Variants in TTC29 observed in about 807,000 individuals in gnomAD.
TTC29 encodes the protein tetratricopeptide repeat domain 29.
A neutral mutation model predicts 58.1 loss-of-function variants in TTC29; 49 were observed. The observed-to-expected ratio is 0.84, with a 90% CI of 0.67 to 1.07. The LOEUF (loss-of-function observed/expected upper bound fraction) is 1.07, where lower values mean the gene tolerates loss of function less well. TTC29 is among the 50% of genes least tolerant of loss of function. The probability of loss-of-function intolerance (pLI) is 0.00; values close to 1 mark genes in which losing one functional copy is unlikely to be tolerated. For synonymous variants in TTC29, 209 were observed against 196.8 expected (o/e 1.06, Z -0.52); for missense variants, 582 against 555.6 (o/e 1.05, Z -0.48).
chr4:146,826,174 C>T (rs1189866462), intron 9 of TTC29, among the ~76,000 whole-genome samples: 2 of 152,116 alleles, frequency 1.3e-5, no homozygotes, highest in African/African-American at 2.4e-5. Flanking sequence ...GGTTATTTTG[C>T]ACACTAGTTA....
At chr4:146,835,456 T>C (rs1355641491) in intron 8 of TTC29, among the ~76,000 whole-genome samples, 1 of 152,192 alleles carries the variant, frequency 6.6e-6, no homozygotes, top group Non-Finnish European at 1.5e-5. Context: ...CTTTTTAAGG[T>C]CCATATAATT....
At chr4:146,857,403 G>A (rs185161341) in intron 8 of TTC29, among the ~76,000 whole-genome samples, 3 of 152,006 alleles carry the variant, frequency 2.0e-5, no homozygotes, top group Non-Finnish European at 2.9e-5. Flanking sequence ...ACTGCCTGAG[G>A]TGGGCCACAG....
intron 4 of TTC29, among the ~76,000 whole-genome samples, chr4:146,930,010 C>T (rs1328812234): frequency 6.9e-6 from 1 of 145,662 alleles, no homozygotes; most frequent in Non-Finnish European, 1.5e-5. Context: ...TATATACACA[C>T]AAACATGCAC....
At chr4:146,812,931 G>C (rs1391331605) in intron 10 of TTC29, 1 of 152,024 alleles carries the variant, frequency 6.6e-6, no homozygotes, top group African/African-American at 2.4e-5. Flanking sequence ...ATTAGTCTTG[G>C]TAATCTCAAA....
chr4:146,880,668 C>CT lies in TTC29; in HGVS notation c.587-5741dup, dbSNP rs552928856. 4.5e-4 allele frequency among the ~76,000 whole-genome samples: 68 copies of CT among 151,990 alleles called. 2 individuals carry two copies. In the South Asian group the frequency reaches 0.012, roughly 28 times the overall value. On this transcript the variant is annotated intron_variant, in intron 6 of 12. Coordinates refer to ENST00000325106, the MANE Select transcript of TTC29 (RefSeq NM_031956.4). ...ATGTATATGATCTCTCCCATTTTAG[C>CT]TTTTTTTTAAAGTAGGAAGATTGAC...
At chr4:146,818,638 T>C (rs1751597850) in intron 10 of TTC29, among the ~76,000 whole-genome samples, 1 of 152,206 alleles carries the variant, frequency 6.6e-6, no homozygotes, top group African/African-American at 2.4e-5. Context: ...TGCACTCGTA[T>C]GTTTATTGCA....
chr4:146,878,440 C>A (rs1731417349), intron 6 of TTC29, among the ~76,000 whole-genome samples: 1 of 152,072 alleles, frequency 6.6e-6, no homozygotes, highest in Non-Finnish European at 1.5e-5. Flanking sequence ...AATGAACATT[C>A]CAAAAACTGG....
At chr4:146,843,193 ACTTAAAGGCT>A (rs139815874) in intron 8 of TTC29, among the ~76,000 whole-genome samples, 9,013 of 152,182 alleles carry the variant, frequency 0.059, 375 homozygotes, top group Admixed American at 0.13. Flanking sequence ...GCCCCACATC[ACTTAAAGGCT>A]CTTACATACT....
At chr4:146,904,149 A>T (rs1047635782) in intron 5 of TTC29, among the ~76,000 whole-genome samples, 1 of 152,182 alleles carries the variant, frequency 6.6e-6, no homozygotes, top group Non-Finnish European at 1.5e-5. Flanking sequence ...CAGCCATAGC[A>T]AAAGATAATG....
chr4:146,802,001 AAAAAAAAAG>A, intron 11 of TTC29, among the ~76,000 whole-genome samples: 1 of 148,176 alleles, frequency 6.7e-6, no homozygotes, highest in Non-Finnish European at 1.5e-5. Context: ...AAAAAAAAAA[AAAAAAAAAG>A]AGACTTTTTT....
At chr4:146,872,903 G>C (rs1731027295) in intron 7 of TTC29, among the ~76,000 whole-genome samples, 1 of 152,018 alleles carries the variant, frequency 6.6e-6, no homozygotes, top group African/African-American at 2.4e-5. Context: ...TCTTTGAAAA[G>C]TTGTACACAA....
chr4:146,745,404 G>A (rs1169310626), intron 11 of TTC29, among the ~76,000 whole-genome samples: 2 of 152,216 alleles, frequency 1.3e-5, no homozygotes, highest in African/African-American at 2.4e-5. Flanking sequence ...TGAGCCTTGA[G>A]AGAGATAGCT....
intron 2 of TTC29, among the ~76,000 whole-genome samples, chr4:146,943,208 A>C (rs575974174): frequency 6.9e-4 from 73 of 106,546 alleles, no homozygotes; most frequent in Admixed American, 1.7e-3. Context: ...CAAAATTCTG[A>C]GTCAACGTTT....
At chr4:146,845,309 A>G (rs1729094646) in intron 8 of TTC29, among the ~76,000 whole-genome samples, 1 of 152,144 alleles carries the variant, frequency 6.6e-6, no homozygotes. Flanking sequence ...GCCTGTGTCT[A>G]CTGGCAAGAG....
chr4:146,720,882 C>G (rs751998851), intron 11 of TTC29, among the ~76,000 whole-genome samples: 4 of 152,088 alleles, frequency 2.6e-5, no homozygotes, highest in Admixed American at 6.6e-5. Flanking sequence ...AATCTCTATT[C>G]ATTTGTCACA....
chr4:146,772,555 GCTCT>G (rs1233614486), intron 11 of TTC29, among the ~76,000 whole-genome samples: 6 of 152,058 alleles, frequency 3.9e-5, no homozygotes, highest in South Asian at 2.1e-4. Flanking sequence ...TTATTTCTGG[GCTCT>G]CTATTTTGTT....
At chr4:146,867,465 T>C in intron 8 of TTC29, 33 bp downstream of exon 8, 1 of 1,062,720 alleles carries the variant, frequency 9.4e-7, no homozygotes, top group Non-Finnish European at 1.3e-6. Flanking sequence ...AAAATAAAAA[T>C]TAAAAATGGC....
At chr4:146,902,844 T>A (rs1733246116) in intron 6 of TTC29, among the ~76,000 whole-genome samples, 1 of 152,174 alleles carries the variant, frequency 6.6e-6, no homozygotes, top group South Asian at 2.1e-4. Flanking sequence ...TTTTTAAAAT[T>A]TAGCAGTTTC....
rs577038110 is a variant in TTC29, at chr4:146,918,295, G to T, written c.177-9046C>A. Among the ~76,000 whole-genome samples, 9 of 150,830 alleles carry T rather than the reference G, an allele frequency of 6.0e-5. No homozygotes were observed. In the South Asian group the frequency reaches 1.9e-3, roughly 31 times the overall value. On this transcript the variant is annotated intron_variant, in intron 4 of 12. Transcript: ENST00000325106. Reference sequence around the variant, plus strand: ...AAGAAAAAAACTAGTAATAATTAAGGAATAAAGTTTATCCTCTGGCATTTT... The same window carrying T: ...AAGAAAAAAACTAGTAATAATTAAGTAATAAAGTTTATCCTCTGGCATTTT...
Sources: allele counts gnomAD v4.1 joint callset (sites outside exome capture counted in the v4.1 genomes callset), GRCh38; gene constraint gnomAD v4.1.1; transcripts MANE v1.5; gene names NCBI Gene and HGNC (gene_info 2026-07-23, HGNC 2026-07-21).